The following RAD51B variants were observed in gnomAD, a reference collection of about 807,000 sequenced individuals.
RAD51B encodes RAD51 paralog B.
A neutral mutation model predicts 42.2 loss-of-function variants in RAD51B; 38 were observed. That is an observed-to-expected ratio of 0.90 (90% confidence interval 0.70 to 1.18). The LOEUF (loss-of-function observed/expected upper bound fraction) is 1.18. RAD51B is among the 50% of genes most tolerant of loss of function. The pLI is 0.00. For missense variants in RAD51B, 373 were observed against 400.7 expected (o/e 0.93, Z 0.59); for synonymous variants, 154 against 145.2 (o/e 1.06, Z -0.43).
In RAD51B at chr14:68,177,144, A is replaced by C. The variant is rs552167601; in HGVS notation, c.757-114740A>C. ...CAGATTCAAGACTGACACTGAGTGT[A>C]CAATGCCACATTGACTTCCAATGGC... On this transcript the variant is annotated intron_variant, in intron 7 of 10. Coordinates refer to ENST00000471583, the MANE Select transcript of RAD51B (RefSeq NM_133510.4). Among the ~76,000 whole-genome samples, 8 of 152,330 alleles carry C rather than the reference A, an allele frequency of 5.3e-5. No homozygotes were observed. The South Asian group carries it at 1.7e-3, about 32-fold the overall frequency.
chr14:68,611,691 T>C (rs995198902), downstream of RAD51B: 1 of 248,420 alleles, frequency 4.0e-6, no homozygotes, highest in East Asian at 5.8e-5. Context: ...AAATGGGAAT[T>C]TGGAAAAAGC....
At position 68,399,243 on chromosome 14, in the gene RAD51B, C is replaced by A. The variant is rs567562030; in HGVS notation, c.854-12181C>A. 1.1e-3 allele frequency among the ~76,000 whole-genome samples: 168 copies of A among 149,440 alleles called. 2 individuals are homozygous for A. Among genetic ancestry groups the A allele is most frequent in the South Asian group, 8.0e-3 (38 of 4,776 alleles). Reference sequence around the variant, plus strand: ...TATTGAACTCCCCATATACCCTTTACCTGATTTTTTTTTGTGTTTTTTTTT... The same window carrying A: ...TATTGAACTCCCCATATACCCTTTAACTGATTTTTTTTTGTGTTTTTTTTT... On this transcript the variant is annotated intron_variant, in intron 8 of 10. Transcript: ENST00000471583.
chr14:68,651,228 A>G (rs1268819843), intron 11 of RAD51B, among the ~76,000 whole-genome samples: 1 of 152,094 alleles, frequency 6.6e-6, no homozygotes, highest in Non-Finnish European at 1.5e-5. Flanking sequence ...CTGGAGTGCA[A>G]TGGAGCAATC....
rs114816015 is a variant in RAD51B, at chr14:67,965,668, A to G, written c.756+78464A>G. Among the ~76,000 whole-genome samples, 1,052 of 152,128 alleles carry G rather than the reference A, an allele frequency of 6.9e-3. 12 individuals carry two copies. The highest frequency in any genetic ancestry group is 0.024 in the African/African-American group (987 of 41,508). On this transcript the variant is annotated intron_variant, in intron 7 of 10. Coordinates refer to ENST00000471583, the MANE Select transcript of RAD51B (RefSeq NM_133510.4). ...GTATTTCCCATTGCCAGACGCACACACACATGTACATTTACTCCATTCCCA... is the reference window on the plus strand; with the variant it reads ...GTATTTCCCATTGCCAGACGCACACGCACATGTACATTTACTCCATTCCCA...
intron 4 of RAD51B, among the ~76,000 whole-genome samples, chr14:67,852,312 G>A (rs1302851221): frequency 6.6e-6 from 1 of 152,212 alleles, no homozygotes; most frequent in Non-Finnish European, 1.5e-5. Context: ...AGAGCTACGC[G>A]AAAAAACCTG....
chr14:68,381,675 G>A (rs1388185154), intron 8 of RAD51B, among the ~76,000 whole-genome samples: 2 of 152,142 alleles, frequency 1.3e-5, no homozygotes, highest in Admixed American at 6.5e-5. Context: ...GCAAGACTCC[G>A]TCTCAAAATA....
intron 9 of RAD51B, among the ~76,000 whole-genome samples, chr14:68,424,855 G>C (rs1245000145): frequency 6.6e-6 from 1 of 151,910 alleles, no homozygotes; most frequent in Non-Finnish European, 1.5e-5. Context: ...ACTCACTGCA[G>C]CCTTGAACTC....
intron 7 of RAD51B, among the ~76,000 whole-genome samples, chr14:68,194,888 A>G (rs2079338520): frequency 1.3e-5 from 2 of 152,234 alleles, no homozygotes; most frequent in African/African-American, 4.8e-5. Context: ...AGAAAAGTCT[A>G]TCCTAAGTTG....
At position 68,124,355 on chromosome 14, in the gene RAD51B, T is replaced by C. The variant is rs540891893; in HGVS notation, c.757-167529T>C. On this transcript the variant is annotated intron_variant, in intron 7 of 10. Transcript: ENST00000471583. ...CACAATAGTATTGGTACCTGTCTTA[T>C]TCAGAGAGTGGCAGATTAAGAAGAC... Among the ~76,000 whole-genome samples, 41 of 152,356 alleles carry C rather than the reference T, an allele frequency of 2.7e-4. 1 individual carries two copies. Among genetic ancestry groups the C allele is most frequent in the Middle Eastern group, 6.8e-3 (2 of 294 alleles).
At chr14:68,570,063 G>A (rs911325584) in intron 10 of RAD51B, among the ~76,000 whole-genome samples, 4 of 152,222 alleles carry the variant, frequency 2.6e-5, no homozygotes, top group Non-Finnish European at 4.4e-5. Context: ...TGTAGCTGAC[G>A]GACATTGTTT....
At position 68,569,155 on chromosome 14, in the gene RAD51B, C is replaced by T. The variant is rs114687836; in HGVS notation, c.1037-25330C>T. ...TTTGTTTAAGGCTTCTGGAGCTTGT[C>T]TTTGTTTCACCCGGGAAAGTCCCTG... On this transcript the variant is annotated intron_variant, in intron 10 of 10. Coordinates refer to the RAD51B transcript ENST00000487270. 7.8e-3 allele frequency among the ~76,000 whole-genome samples: 1,182 copies of T among 152,318 alleles called. 13 individuals carry two copies. The highest frequency in any genetic ancestry group is 0.026 in the African/African-American group (1,096 of 41,564).
chr14:68,127,953 A>G (rs1242997644), intron 7 of RAD51B, among the ~76,000 whole-genome samples: 1 of 152,208 alleles, frequency 6.6e-6, no homozygotes, highest in East Asian at 1.9e-4. Flanking sequence ...TGAGGTTCCT[A>G]GCATAGGGCT....
intron 10 of RAD51B, among the ~76,000 whole-genome samples, chr14:68,602,265 ACACACAAACATAGACATATGTTATGTT>A (rs1303257644): frequency 1.3e-5 from 2 of 151,864 alleles, no homozygotes; most frequent in Non-Finnish European, 2.9e-5. Context: ...GCAAGCTGGG[ACACACAAACATAGACATATGTTATGTT>A]CACACAAACA....
intron 8 of RAD51B, among the ~76,000 whole-genome samples, chr14:68,337,005 C>G (rs2082469291): frequency 6.6e-6 from 1 of 152,210 alleles, no homozygotes; most frequent in Admixed American, 6.5e-5. Context: ...CATGTTCTAA[C>G]TGAGATGAAT....
chr14:68,467,628 C>A (rs1238328872), intron 9 of RAD51B, among the ~76,000 whole-genome samples: 3 of 152,198 alleles, frequency 2.0e-5, no homozygotes, highest in African/African-American at 7.2e-5. Flanking sequence ...TATGCCCAAA[C>A]CCACAATCAA....
intron 10 of RAD51B, among the ~76,000 whole-genome samples, chr14:68,577,693 A>G (rs1177462728): frequency 1.3e-5 from 2 of 152,012 alleles, no homozygotes; most frequent in South Asian, 2.1e-4. Flanking sequence ...TTATTTTTCT[A>G]TATAGCACTT....
intron 8 of RAD51B, among the ~76,000 whole-genome samples, chr14:68,359,576 A>G (rs1326540869): frequency 6.6e-6 from 1 of 152,206 alleles, no homozygotes; most frequent in African/African-American, 2.4e-5. Flanking sequence ...AGACCAGATC[A>G]GCAGCCATTA....
At chr14:68,452,382 A>T (rs889592094) in intron 9 of RAD51B, among the ~76,000 whole-genome samples, 11 of 152,186 alleles carry the variant, frequency 7.2e-5, no homozygotes, top group Non-Finnish European at 8.8e-5. Flanking sequence ...TTGATTTTTT[A>T]AAAAAACAAT....
intron 10 of RAD51B, among the ~76,000 whole-genome samples, chr14:68,529,623 C>G (rs1157305002): frequency 6.6e-6 from 1 of 152,162 alleles, no homozygotes; most frequent in South Asian, 2.1e-4. Context: ...TGGGAAAGAT[C>G]TTAAATCATC....
Sources: gnomAD v4.1 joint callset for allele counts (sites outside exome capture counted in the v4.1 genomes callset) on GRCh38, gnomAD v4.1.1 for gene constraint, MANE v1.5 for transcripts, NCBI Gene and HGNC (gene_info 2026-07-23, HGNC 2026-07-21) for gene names.